Variants in PLAG1 observed in about 807,000 individuals in gnomAD.
The protein encoded by PLAG1 is PLAG1 zinc finger, also known as zinc finger protein PLAG1.
PLAG1 carries 7 observed loss-of-function variants against 35.5 expected under a neutral mutation model. The observed-to-expected ratio is 0.20, with a 90% CI of 0.11 to 0.37. The LOEUF is 0.37. Among genes scored for constraint, PLAG1 ranks in the 10% least tolerant of loss-of-function variants. PLAG1 has a pLI of 1.00. For missense variants in PLAG1, 454 were observed against 602.8 expected (o/e 0.75, Z 2.58); for synonymous variants, 229 against 225.4 (o/e 1.02, Z -0.14).
At chr8:56,187,582 G>A (rs1161669364) in intron 1 of PLAG1, among the ~76,000 whole-genome samples, 2 of 152,166 alleles carry the variant, frequency 1.3e-5, no homozygotes, top group Non-Finnish European at 2.9e-5. Flanking sequence ...GGCTCAAAAT[G>A]CAAAGCTGTT....
intron 1 of PLAG1, chr8:56,209,297 A>T (rs1471338491): frequency 1.3e-5 from 2 of 152,234 alleles, no homozygotes; most frequent in African/African-American, 4.8e-5. Flanking sequence ...AGTTCCTGGG[A>T]GGGCTTGTTA....
chr8:56,177,093 A>G (rs1450668337), intron 2 of PLAG1, among the ~76,000 whole-genome samples: 2 of 152,244 alleles, frequency 1.3e-5, no homozygotes, highest in African/African-American at 4.8e-5. Context: ...ACTTATCTAT[A>G]AAAGCTCAAG....
At chr8:56,193,136 A>G (rs1300049334) in intron 1 of PLAG1, among the ~76,000 whole-genome samples, 1 of 152,240 alleles carries the variant, frequency 6.6e-6, no homozygotes, top group Non-Finnish European at 1.5e-5. Context: ...TATTGTAATT[A>G]TACCTTTAAA....
At chr8:56,176,157 C>T (rs1228985783) in intron 2 of PLAG1, among the ~76,000 whole-genome samples, 1 of 150,680 alleles carries the variant, frequency 6.6e-6, no homozygotes, top group Non-Finnish European at 1.5e-5. Context: ...GTAAGCGATT[C>T]TCATGCCTCA....
At position 56,166,378 on chromosome 8, in the gene PLAG1, G is replaced by A; in HGVS notation, c.1368C>T (p.Leu456=). The A allele has an allele frequency of 1.2e-6, 2 of 1,613,934 alleles. No homozygotes were observed. Among genetic ancestry groups the A allele is most frequent in the Admixed American group, 3.3e-5 (2 of 60,014 alleles). Residue 456 remains leucine, a synonymous_variant, in exon 5 of 5, where the codon CTC becomes CTT. Transcript: ENST00000316981. ...QEEAHSSVSQ[L]PPQTQDLQDP... The stretch of plus-strand genomic sequence containing the variant: ...CCTGAAGATCCTGTGTTTGTGGGGG[G>A]AGCTGGGAAACAGAAGAATGTGCTT...
rs944423401 is a variant in PLAG1, at chr8:56,190,553, T to G, written c.-321-11040A>C. Among the ~76,000 whole-genome samples, 2 of 152,144 alleles carry G rather than the reference T, an allele frequency of 1.3e-5. 1 individual carries two copies. The highest frequency in any genetic ancestry group is 4.1e-4 in the South Asian group (2 of 4,828). ...CCTGGGGTGAGGAAGGAGTGCTGCA[T>G]GAGGAACTGGGGGCACTAAGTCCAC... On this transcript the variant is annotated intron_variant, in intron 1 of 4. Coordinates refer to ENST00000316981, the MANE Select transcript of PLAG1 (RefSeq NM_002655.3).
chr8:56,181,383 C>T (rs923426934), intron 1 of PLAG1, among the ~76,000 whole-genome samples: 3 of 152,046 alleles, frequency 2.0e-5, no homozygotes, highest in South Asian at 4.1e-4. Context: ...AATACTATGC[C>T]GCCATAAAAA....
chr8:56,192,758 T>C (rs1585811123), intron 1 of PLAG1, among the ~76,000 whole-genome samples: 2 of 152,226 alleles, frequency 1.3e-5, no homozygotes, highest in African/African-American at 4.8e-5. Flanking sequence ...TCTTTCCAGC[T>C]TTCCTTTTTA....
chr8:56,198,130 C>T (rs888445674), intron 1 of PLAG1, among the ~76,000 whole-genome samples: 1 of 152,228 alleles, frequency 6.6e-6, no homozygotes, highest in Non-Finnish European at 1.5e-5. Flanking sequence ...AATCAAACCT[C>T]TGGACTGCCC....
chr8:56,199,734 C>CG (rs1181752671), intron 1 of PLAG1, among the ~76,000 whole-genome samples: 4 of 152,066 alleles, frequency 2.6e-5, no homozygotes, highest in Non-Finnish European at 5.9e-5. Context: ...CACCACCCCC[C>CG]CCGATCCTCC....
chr8:56,176,034 CCTTTT>C (rs998880559), intron 2 of PLAG1, among the ~76,000 whole-genome samples: 2 of 147,970 alleles, frequency 1.4e-5, no homozygotes, highest in Non-Finnish European at 3.0e-5. Flanking sequence ...TTGAAAACTC[CCTTTT>C]CCTTTTCTTT....
At chr8:56,188,128 A>G (rs1353676638) in intron 1 of PLAG1, among the ~76,000 whole-genome samples, 1 of 152,242 alleles carries the variant, frequency 6.6e-6, no homozygotes, top group Non-Finnish European at 1.5e-5. Context: ...CCAAGATTCC[A>G]CACTGTGAGT....
chr8:56,165,035 G>GA lies in PLAG1; in HGVS notation c.*1207dup. 1 of 207,094 alleles carries GA rather than the reference G, an allele frequency of 4.8e-6. No individual in the cohort carries two copies. Among genetic ancestry groups the GA allele is most frequent in the East Asian group, 7.4e-5 (1 of 13,512 alleles). The allele number at this position is 207,094 out of a possible 1,614,324, so 12.8% of individuals were successfully genotyped here. A position where few individuals can be genotyped will look rare whatever the true frequency, so the allele number is the denominator to read the frequency against. ...GGAAAGATGGATTCACATTGAATCA[G>GA]AAAGATAACATCGGAGTAGGACTGT... is the stretch of plus-strand genomic sequence containing the variant. On this transcript the variant is annotated 3_prime_UTR_variant, in exon 5 of 5. Transcript: ENST00000316981.
At chr8:56,200,904 C>T (rs1434814114) in intron 1 of PLAG1, among the ~76,000 whole-genome samples, 2 of 152,162 alleles carry the variant, frequency 1.3e-5, no homozygotes, top group Non-Finnish European at 2.9e-5. Flanking sequence ...CATCCAAAGG[C>T]ATAAAAGCAG....
In PLAG1 at chr8:56,166,033, G is replaced by C; in HGVS notation, c.*210C>G. ...AAATGTGACAATTGGCAGTGAATCA[G>C]GACAAAATACCCAGGTAAACTTAAC... On this transcript the variant is annotated 3_prime_UTR_variant, in exon 5 of 5. Transcript: ENST00000316981. 1 of 337,464 alleles carries C rather than the reference G, an allele frequency of 3.0e-6. No homozygotes were observed. Among genetic ancestry groups the C allele is most frequent in the Non-Finnish European group, 5.4e-6 (1 of 185,288 alleles). 20.9% of individuals were successfully genotyped at this position (337,464 alleles called of 1,614,324 possible). A position where few individuals can be genotyped will look rare whatever the true frequency, so the allele number is the denominator to read the frequency against.
intron 1 of PLAG1, among the ~76,000 whole-genome samples, chr8:56,202,749 C>A (rs949656031): frequency 1.3e-5 from 2 of 152,106 alleles, no homozygotes; most frequent in Non-Finnish European, 2.9e-5. Context: ...ATAACCCAGG[C>A]TATGATTAAA....
chr8:56,168,800 C>T (rs1811430274), intron 3 of PLAG1, among the ~76,000 whole-genome samples: 1 of 152,184 alleles, frequency 6.6e-6, no homozygotes, highest in African/African-American at 2.4e-5. Flanking sequence ...TTGATTTGTG[C>T]ATGTCAGCTC....
At chr8:56,208,010 C>T (rs1168617343) in intron 1 of PLAG1, among the ~76,000 whole-genome samples, 2 of 152,050 alleles carry the variant, frequency 1.3e-5, no homozygotes, top group African/African-American at 4.8e-5. Flanking sequence ...TGACAATAAA[C>T]CAGTCATAGT....
Position 56,167,616 on chromosome 8 carries a change from A to AT in PLAG1, c.243-114_243-113insA. The AT allele has an allele frequency of 1.5e-6, 1 of 679,516 alleles. No homozygotes were observed. Among genetic ancestry groups the AT allele is most frequent in the Non-Finnish European group, 2.5e-6 (1 of 406,692 alleles). 42.1% of individuals were successfully genotyped at this position (679,516 alleles called of 1,614,324 possible). A position where few individuals can be genotyped will look rare whatever the true frequency, so the allele number is the denominator to read the frequency against. ...AACACAGAATTCCCTTAGTAATGGA[A>AT]ACTGTTTAACTTAATATATACCACG... On this transcript the variant is annotated intron_variant, in intron 4 of 4. Transcript: ENST00000316981. This position sits in a 1 kb window ranked among gnomAD's most constrained non-coding sequence, Gnocchi z 5.9.
Sources: gnomAD v4.1 joint callset for allele counts (sites outside exome capture counted in the v4.1 genomes callset) on GRCh38, gnomAD v4.1.1 for gene constraint, Gnocchi (gnomAD v3.1) non-coding constraint, MANE v1.5 for transcripts, NCBI Gene and HGNC (gene_info 2026-07-23, HGNC 2026-07-21) for gene names.